The following CDKAL1 variants were observed in gnomAD, a reference collection of about 807,000 sequenced individuals.
CDKAL1 encodes the protein threonylcarbamoyladenosine tRNA methylthiotransferase.
In CDKAL1, 32 loss-of-function variants were observed where a neutral mutation model predicts 68.2. That is an observed-to-expected ratio of 0.47 (90% confidence interval 0.35 to 0.63). The LOEUF (loss-of-function observed/expected upper bound fraction) is 0.63. Ranked by LOEUF, CDKAL1 falls within the 30% of genes least tolerant of loss-of-function variation. The probability of loss-of-function intolerance (pLI) is 0.00; values close to 1 mark genes in which losing one functional copy is unlikely to be tolerated. For missense variants in CDKAL1, 606 were observed against 696.7 expected (o/e 0.87, Z 1.47); for synonymous variants, 234 against 244.3 (o/e 0.96, Z 0.39).
intron 10 of CDKAL1, among the ~76,000 whole-genome samples, chr6:20,956,954 C>A (rs912804577): frequency 3.0e-5 from 4 of 135,194 alleles, no homozygotes; most frequent in Non-Finnish European, 6.2e-5. Context: ...GCAGGCATGT[C>A]AACTTTTACT....
chr6:20,583,330 C>T (rs1765212163), intron 4 of CDKAL1, among the ~76,000 whole-genome samples: 1 of 152,096 alleles, frequency 6.6e-6, no homozygotes, highest in Admixed American at 6.5e-5. Context: ...TTGATGTCTT[C>T]AGTATCATAA....
rs920225560 is a variant in CDKAL1, at chr6:20,695,817, G to A, written c.372-43702G>A. On this transcript the variant is annotated intron_variant, in intron 5 of 15. Transcript: ENST00000274695. ...TTTACCATTTAATCATTATTTAAGCGTATAGTTCAGTGTCAATAAGTATAT... is the reference window on the plus strand; with the variant it reads ...TTTACCATTTAATCATTATTTAAGCATATAGTTCAGTGTCAATAAGTATAT... 7.2e-5 allele frequency among the ~76,000 whole-genome samples: 11 copies of A among 151,940 alleles called. No individual in the cohort carries two copies. The East Asian group carries it at 9.7e-4, about 13-fold the overall frequency.
intron 13 of CDKAL1, among the ~76,000 whole-genome samples, chr6:21,167,403 T>C (rs2151070948): frequency 6.6e-6 from 1 of 152,336 alleles, no homozygotes; most frequent in South Asian, 2.1e-4. Context: ...TTTATAAATA[T>C]TAGAAAACAC....
intron 4 of CDKAL1, among the ~76,000 whole-genome samples, chr6:20,561,262 C>T (rs1051342599): frequency 6.6e-5 from 10 of 151,336 alleles, no homozygotes; most frequent in African/African-American, 1.9e-4. Flanking sequence ...GCCAACATGG[C>T]GAAACCCCAT....
chr6:20,862,251 A>G (rs536051569), intron 9 of CDKAL1, among the ~76,000 whole-genome samples: 109 of 152,346 alleles, frequency 7.2e-4, no homozygotes, highest in Non-Finnish European at 1.6e-4. Context: ...ACAGCCTAGC[A>G]TGTAAGCCGT....
chr6:20,971,510 T>G (rs558259761), intron 10 of CDKAL1, among the ~76,000 whole-genome samples: 30 of 152,350 alleles, frequency 2.0e-4, no homozygotes, highest in African/African-American at 7.0e-4. Context: ...TATTGATATT[T>G]CAGGGATAAT....
chr6:20,717,650 A>G (rs1432310729), intron 5 of CDKAL1, among the ~76,000 whole-genome samples: 2 of 152,188 alleles, frequency 1.3e-5, no homozygotes, highest in Non-Finnish European at 2.9e-5. Flanking sequence ...TTTTAAAAAT[A>G]CTACTTTATA....
At chr6:20,888,772 G>C (rs1761226176) in intron 9 of CDKAL1, among the ~76,000 whole-genome samples, 1 of 152,074 alleles carries the variant, frequency 6.6e-6, no homozygotes, top group Non-Finnish European at 1.5e-5. Context: ...GTCTGTCGTT[G>C]TTGGACGTTT....
intron 9 of CDKAL1, among the ~76,000 whole-genome samples, chr6:20,922,632 C>T (rs9460577): frequency 0.25 from 37,501 of 152,084 alleles, 4,912 homozygotes; most frequent in Middle Eastern, 0.34. Context: ...AAGCTTTAAT[C>T]GAGTCAAACG....
intron 10 of CDKAL1, among the ~76,000 whole-genome samples, chr6:20,974,179 G>C (rs1765731464): frequency 6.6e-6 from 1 of 152,128 alleles, no homozygotes; most frequent in Admixed American, 6.5e-5. Context: ...TCTTTGTCCT[G>C]CCGTCATGTT....
At chr6:20,553,448 G>T (rs958695015) in intron 4 of CDKAL1, among the ~76,000 whole-genome samples, 24 of 152,122 alleles carry the variant, frequency 1.6e-4, no homozygotes, top group Admixed American at 1.4e-3. Flanking sequence ...GGCGGAGGTT[G>T]CTGTGAGCTG....
intron 8 of CDKAL1, among the ~76,000 whole-genome samples, chr6:20,807,326 C>A (rs1776613604): frequency 6.6e-6 from 1 of 152,000 alleles, no homozygotes; most frequent in Admixed American, 6.6e-5. Context: ...TGGGTTCAAG[C>A]GATTCACCTG....
chr6:20,987,406 C>T (rs1766525490), intron 10 of CDKAL1, among the ~76,000 whole-genome samples: 1 of 151,950 alleles, frequency 6.6e-6, no homozygotes, highest in African/African-American at 2.4e-5. Context: ...AGGTGTGCAC[C>T]ACCAAACCCA....
chr6:20,667,151 T>C (rs9358356), intron 5 of CDKAL1, among the ~76,000 whole-genome samples: 58,312 of 152,092 alleles, frequency 0.38, 11,999 homozygotes, highest in African/African-American at 0.54. Context: ...CCAAAGTAAA[T>C]GATGTTTGCA....
At chr6:20,954,698 A>G (rs186113965) in intron 9 of CDKAL1, among the ~76,000 whole-genome samples, 31 of 152,320 alleles carry the variant, frequency 2.0e-4, no homozygotes, top group African/African-American at 7.5e-4. Context: ...TTGAAGCATT[A>G]TCATTGCAGG....
intron 4 of CDKAL1, among the ~76,000 whole-genome samples, chr6:20,601,899 A>G (rs1766114067): frequency 6.6e-6 from 1 of 152,128 alleles, no homozygotes; most frequent in African/African-American, 2.4e-5. Flanking sequence ...TTATACATAC[A>G]GTAGTTGTTA....
intron 10 of CDKAL1, among the ~76,000 whole-genome samples, chr6:20,975,488 A>G (rs1175710054): frequency 2.0e-5 from 3 of 152,232 alleles, no homozygotes; most frequent in Non-Finnish European, 4.4e-5. Context: ...TGCTTCATGT[A>G]TATGCTTATT....
chr6:20,568,082 G>T (rs1158289661), intron 4 of CDKAL1, among the ~76,000 whole-genome samples: 1 of 152,056 alleles, frequency 6.6e-6, no homozygotes. Context: ...TTTCACCGTG[G>T]TGGCCAGGAT....
chr6:20,985,106 C>T (rs1341568597), intron 10 of CDKAL1, among the ~76,000 whole-genome samples: 1 of 151,980 alleles, frequency 6.6e-6, no homozygotes, highest in African/African-American at 2.4e-5. Context: ...TTTAGGTCGA[C>T]GACTTGTAAT....
Sources: gnomAD v4.1 joint callset for allele counts (sites outside exome capture counted in the v4.1 genomes callset) on GRCh38, gnomAD v4.1.1 for gene constraint, MANE v1.5 for transcripts, NCBI Gene and HGNC (gene_info 2026-07-23, HGNC 2026-07-21) for gene names.